FAM151A: variants seen among roughly 807,000 people sequenced by gnomAD.
The protein encoded by FAM151A is family with sequence similarity 151 member A.
In FAM151A, 41 loss-of-function variants were observed where a neutral mutation model predicts 40.4. That is an observed-to-expected ratio of 1.01 (90% CI 0.79 to 1.32). The LOEUF (loss-of-function observed/expected upper bound fraction) is 1.32. Among genes scored for constraint, FAM151A ranks in the 40% most tolerant of loss-of-function variants. FAM151A has a pLI of 0.00. For missense variants in FAM151A, 740 were observed against 740.4 expected (o/e 1.00, Z 0.01); for synonymous variants, 337 against 312.5 (o/e 1.08, Z -0.83).
In FAM151A at chr1:54,619,942, T is replaced by C. The variant is rs1454075764; in HGVS notation, c.184A>G (p.Ile62Val). The C allele has an allele frequency of 1.2e-6, 2 of 1,614,128 alleles. No homozygotes were observed. The highest frequency in any genetic ancestry group is 1.1e-5 in the South Asian group (1 of 91,076). The change falls in exon 2 of 8, where the codon ATC becomes GTC. Residue 62 changes from isoleucine (I) to valine (V), a missense_variant. Ile to Val is a conservative substitution (Grantham distance 29). Transcript: ENST00000302250. ...MLDYLLSLGQ[I>V]SRRDALEVTW... ...ACCTCCAAGGCATCTCGCCGGCTGA[T>C]CTGGCCCAGGCTCAGCAGGTAGTCC...
chr1:54,611,639 C>G lies in FAM151A; in HGVS notation c.907G>C (p.Glu303Gln). The G allele has an allele frequency of 6.2e-7, 1 of 1,614,030 alleles. No homozygotes were observed. The highest frequency in any genetic ancestry group is 8.5e-7 in the Non-Finnish European group (1 of 1,180,004). ...TGCTTGAACTGTGACAGGAGAGGCT[C>G]AAAGATGTCATAGTAGACTTGGTGG... is the stretch of plus-strand genomic sequence containing the variant. Reference protein sequence around the residue: ...AVHQVYYDIFEPLLSQFKQLA... With the variant: ...AVHQVYYDIFQPLLSQFKQLA... Residue 303 changes from glutamate to glutamine, a missense_variant, in exon 6 of 8, where the codon GAG becomes CAG. Physicochemically the swap from Glu to Gln is conservative, Grantham distance 29. Transcript: ENST00000302250.
chr1:54,614,966 ACAG>A, intron 3 of FAM151A, 107 bp from the exon 4 acceptor site: 34 of 612,856 alleles, frequency 5.5e-5, no homozygotes, highest in Non-Finnish European at 9.0e-5. Flanking sequence ...ATGTGCGTGC[ACAG>A]TGGAGTCAGG....
In FAM151A at chr1:54,610,489, C is replaced by A; in HGVS notation, c.1007G>T (p.Gly336Val). 6.7e-7 allele frequency: 1 copy of A among 1,502,324 alleles called. No individual in the cohort carries two copies. Among genetic ancestry groups the A allele is most frequent in the Non-Finnish European group, 9.2e-7 (1 of 1,088,752 alleles). The allele number at this position is 1,502,324 out of a possible 1,614,324, so 93.1% of individuals were successfully genotyped here. A position where few individuals can be genotyped will look rare whatever the true frequency, so the allele number is the denominator to read the frequency against. Residue 336 changes from glycine to valine, a missense_variant, in exon 7 of 8, where the codon GGG becomes GTG. Transcript: ENST00000302250. ...GSLIPLLQLP[G>V]DDGLNVEWLV... ...CCACTCCACATTCAGACCGTCATCC[C>A]CAGGCAGCTGGAGAAGAGGGATCAG... is the stretch of plus-strand genomic sequence containing the variant.
chr1:54,616,203 C>CT (rs751159462), intron 2 of FAM151A, 31 bp from the exon 3 acceptor site: 5 of 1,563,994 alleles, frequency 3.2e-6, no homozygotes, highest in East Asian at 2.3e-5. Flanking sequence ...CAGTGAGTTC[C>CT]TTTTTTTAAA....
intron 1 of FAM151A, among the ~76,000 whole-genome samples, chr1:54,620,815 C>T (rs12049576): frequency 2.1e-4 from 26 of 125,158 alleles, no homozygotes; most frequent in Admixed American, 1.7e-3. Flanking sequence ...CACCACTGTA[C>T]TCAGCCTGGA....
chr1:54,618,529 C>A (rs1431442729), intron 2 of FAM151A, among the ~76,000 whole-genome samples: 1 of 152,066 alleles, frequency 6.6e-6, no homozygotes, highest in African/African-American at 2.4e-5. Flanking sequence ...AACAAAAACT[C>A]TTTTCACCTT....
At position 54,621,308 on chromosome 1, in the gene FAM151A, T is replaced by G. The variant is rs1180851953; in HGVS notation, c.119-1301A>C. Among the ~76,000 whole-genome samples, 3 of 151,516 alleles carry G rather than the reference T, an allele frequency of 2.0e-5. No individual in the cohort carries two copies. In the East Asian group the frequency reaches 5.8e-4, roughly 29 times the overall value. On this transcript the variant is annotated intron_variant, in intron 1 of 7. Coordinates refer to ENST00000302250, the MANE Select transcript of FAM151A (RefSeq NM_176782.3). ...CCCATCTCTACTAAAAATAGAAAAA[T>G]TAGCTGGGCGTGGTGGTCCATGCCT...
chr1:54,609,626 A>T lies in FAM151A; in HGVS notation c.1400T>A (p.Val467Glu), dbSNP rs1242587629. The T allele has an allele frequency of 2.5e-6, 4 of 1,613,764 alleles. No homozygotes were observed. In the South Asian group the frequency reaches 4.4e-5, roughly 18 times the overall value. Reference protein sequence around the residue: ...HVAGRELLTAVAEVFPHVTVA... With the variant: ...HVAGRELLTAEAEVFPHVTVA... ...AGTCACGTGGGGGAAGACCTCAGCCACAGCTGTAAGCAGCTCTCTGCCAGC... is the reference window on the plus strand; with the variant it reads ...AGTCACGTGGGGGAAGACCTCAGCCTCAGCTGTAAGCAGCTCTCTGCCAGC... The change falls in exon 8 of 8, where the codon GTG becomes GAG. Residue 467 changes from valine (V) to glutamate (E), a missense_variant. By Grantham distance (121) the Val-to-Glu change is moderately radical (BLOSUM62 -2). Coordinates refer to ENST00000302250, the MANE Select transcript of FAM151A (RefSeq NM_176782.3).
intron 2 of FAM151A, among the ~76,000 whole-genome samples, chr1:54,619,470 G>T (rs1248985386): frequency 1.3e-5 from 2 of 152,288 alleles, no homozygotes; most frequent in East Asian, 3.9e-4. Context: ...GTAGTCCCAG[G>T]AGAACCTGTG....
intron 2 of FAM151A, among the ~76,000 whole-genome samples, 188 bp from the exon 3 acceptor site, chr1:54,616,360 C>A (rs1455400391): frequency 1.3e-5 from 2 of 151,698 alleles, no homozygotes; most frequent in Non-Finnish European, 2.9e-5. Flanking sequence ...TTCTTCTATG[C>A]ATAGGTTTTT....
chr1:54,610,708 TAGA>T (rs958643172), intron 6 of FAM151A, 153 bp from the exon 7 acceptor site: 127 of 979,318 alleles, frequency 1.3e-4, no homozygotes, highest in Non-Finnish European at 1.5e-4. Flanking sequence ...CCTTGTAGAC[TAGA>T]AGAAGTGACT....
chr1:54,609,892 AGCCACAGTTCCCTCGAG>A lies in FAM151A; in HGVS notation c.1117_1133del (p.Leu373Ter). 6.2e-7 allele frequency: 1 copy of A among 1,612,528 alleles called. No individual in the cohort carries two copies. On this transcript the variant is annotated frameshift_variant, in exon 8 of 8. Transcript: ENST00000302250. LOFTEE classifies it low-confidence loss of function (END_TRUNC). Reference sequence around the variant, plus strand: ...TATGAACAATGGGCACGGGGTTTTCAGCCACAGTTCCCTCGAGGCCAGTGTTCAGCAGGATCATGCCT... The same window carrying A: ...TATGAACAATGGGCACGGGGTTTTCAGCCAGTGTTCAGCAGGATCATGCCT...
intron 2 of FAM151A, among the ~76,000 whole-genome samples, chr1:54,619,490 C>T (rs963470890): frequency 5.3e-5 from 8 of 152,168 alleles, no homozygotes; most frequent in South Asian, 4.1e-4. Context: ...GTGTAATGTG[C>T]GCCCAGTGAG....
chr1:54,616,666 C>G (rs1569793177), intron 2 of FAM151A, among the ~76,000 whole-genome samples: 1 of 152,186 alleles, frequency 6.6e-6, no homozygotes. Flanking sequence ...AGCCACCGTG[C>G]CCGGCCCTAT....
At position 54,609,877 on chromosome 1, in the gene FAM151A, G is replaced by GT. The variant is rs1644094970; in HGVS notation, c.1148_1149insA (p.Ile384HisfsTer86). On this transcript the variant is annotated frameshift_variant, in exon 8 of 8. Transcript: ENST00000302250. LOFTEE classifies it low-confidence loss of function (END_TRUNC). ...TGTTGCCACTTGGAGTATGAACAAT[G>GT]GGCACGGGGTTTTCAGCCACAGTTC... 1 of 1,613,372 alleles carries GT rather than the reference G, an allele frequency of 6.2e-7. No homozygotes were observed. Among genetic ancestry groups the GT allele is most frequent in the South Asian group, 1.1e-5 (1 of 91,092 alleles).
chr1:54,618,214 ACCT>A (rs1644195148), intron 2 of FAM151A, among the ~76,000 whole-genome samples: 1 of 151,796 alleles, frequency 6.6e-6, no homozygotes. Context: ...TAAAAAAATC[ACCT>A]CCTCAGCCGG....
intron 5 of FAM151A, 34 bp from the exon 6 acceptor site, chr1:54,611,779 G>A: frequency 2.5e-6 from 4 of 1,612,574 alleles, no homozygotes; most frequent in Non-Finnish European, 3.4e-6. Flanking sequence ...GTGCCTGTCT[G>A]GGCCCAGCAA....
intron 6 of FAM151A, chr1:54,610,914 G>T: frequency 1.0e-6 from 1 of 985,332 alleles, no homozygotes; most frequent in Non-Finnish European, 1.2e-6. Context: ...AGGGAATGAG[G>T]GGTTTGGATA....
intron 1 of FAM151A, among the ~76,000 whole-genome samples, chr1:54,621,126 A>T (rs1644226101): frequency 1.3e-5 from 2 of 149,852 alleles, no homozygotes; most frequent in Non-Finnish European, 1.5e-5. Context: ...ATGCCACTGC[A>T]CTCCATCCTG....
Sources: gnomAD v4.1 joint callset for allele counts (sites outside exome capture counted in the v4.1 genomes callset) on GRCh38, gnomAD v4.1.1 for gene constraint, MANE v1.5 for transcripts, NCBI Gene and HGNC (gene_info 2026-07-23, HGNC 2026-07-21) for gene names.